ASH1L: variants seen among roughly 807,000 people sequenced by gnomAD.
The protein encoded by ASH1L is ASH1 like histone lysine methyltransferase.
In ASH1L, 23 loss-of-function variants were observed where a neutral mutation model predicts 269.0. The ratio of observed to expected loss-of-function variants is 0.09; its 90% CI spans 0.06 to 0.12. The LOEUF is 0.12. Among genes scored for constraint, ASH1L ranks in the 10% least tolerant of loss-of-function variants. The pLI is 1.00. For synonymous variants in ASH1L, 1,187 were observed against 1,253.5 expected (o/e 0.95, Z 1.12); for missense variants, 2,912 against 3,567.8 (o/e 0.82, Z 4.68).
rs559049255 is a variant in ASH1L at position 155,374,463 on chromosome 1, A to G, written c.6333-3480T>C. On this transcript the variant is annotated intron_variant, in intron 10 of 27. Transcript: ENST00000392403. Reference sequence around the variant, plus strand: ...TAAAGGGCACACGGCACACAGTGTCAAATCATGTAAATAGGAGCAGAGAAA... The same window carrying G: ...TAAAGGGCACACGGCACACAGTGTCGAATCATGTAAATAGGAGCAGAGAAA... Among the ~76,000 whole-genome samples the G allele has an allele frequency of 5.3e-5, 8 of 152,338 alleles. No individual in the cohort carries two copies. In the East Asian group the frequency reaches 1.5e-3, roughly 29 times the overall value.
At chr1:155,416,892 C>T (rs1260675107) in intron 5 of ASH1L, among the ~76,000 whole-genome samples, 9 of 147,678 alleles carry the variant, frequency 6.1e-5, no homozygotes. Context: ...CACCCACCTT[C>T]CCTCCTTCCT....
intron 1 of ASH1L, among the ~76,000 whole-genome samples, chr1:155,551,322 A>G (rs1157768795): frequency 6.6e-6 from 1 of 152,158 alleles, no homozygotes. Context: ...TTTAGCAGAA[A>G]AATAATCATA....
intron 5 of ASH1L, among the ~76,000 whole-genome samples, chr1:155,430,054 C>T (rs1033227892): frequency 8.5e-5 from 13 of 152,074 alleles, no homozygotes; most frequent in Non-Finnish European, 1.5e-4. Flanking sequence ...CAGCTCACTG[C>T]AACCTCCGCC....
At chr1:155,522,584 G>A (rs1036790933) in intron 1 of ASH1L, among the ~76,000 whole-genome samples, 1 of 151,984 alleles carries the variant, frequency 6.6e-6, no homozygotes, top group Non-Finnish European at 1.5e-5. Flanking sequence ...TTTTACAATA[G>A]GTGATACACC....
chr1:155,447,296 T>G (rs1289018844), intron 4 of ASH1L, among the ~76,000 whole-genome samples: 1 of 152,250 alleles, frequency 6.6e-6, no homozygotes, highest in Non-Finnish European at 1.5e-5. Context: ...ATATGTTCCC[T>G]TAATCTACTT....
chr1:155,490,394 T>C (rs1666680492), intron 2 of ASH1L, among the ~76,000 whole-genome samples: 3 of 151,664 alleles, frequency 2.0e-5, no homozygotes, highest in Middle Eastern at 6.8e-3. Flanking sequence ...GGTGGATAAT[T>C]TGAGGTCAGG....
rs759593844 is a variant in ASH1L, at chr1:155,479,013, T to A, written c.3857A>T (p.Asp1286Val). 4.3e-6 allele frequency: 7 copies of A among 1,613,652 alleles called. No individual in the cohort carries two copies. The highest frequency in any genetic ancestry group is 1.7e-5 in the Admixed American group (1 of 60,000). Residue 1286 changes from aspartate to valine, a missense_variant, in exon 3 of 28, where the codon GAC becomes GTC. Asp to Val is a radical substitution (Grantham distance 152, BLOSUM62 -3). This residue lies in a region of ASH1L where 789 missense variants were observed against 897.6 expected (regional missense o/e 0.88). Transcript: ENST00000392403. ...YPQLRNRQDP[D>V]FIAELEELIS... Reference sequence around the variant, plus strand: ...TAGTTCCTCCAGCTCTGCAATAAAGTCTGGATCCTGTCTATTTCGAAGCTG... The same window carrying A: ...TAGTTCCTCCAGCTCTGCAATAAAGACTGGATCCTGTCTATTTCGAAGCTG...
chr1:155,471,458 T>C (rs1031277297), intron 3 of ASH1L, among the ~76,000 whole-genome samples: 1 of 152,120 alleles, frequency 6.6e-6, no homozygotes, highest in African/African-American at 2.4e-5. Flanking sequence ...ACATGGCCAA[T>C]GATCTAATCA....
At position 155,436,594 on chromosome 1, in the gene ASH1L, T is replaced by G. The variant is rs560112754; in HGVS notation, c.5828+1733A>C. ...TCATCACAACCTCCGCCTCCTGGGT[T>G]CAAGCAATTCTCCTGCCTCAGCCTC... On this transcript the variant is annotated intron_variant, in intron 5 of 27. Transcript: ENST00000392403. Among the ~76,000 whole-genome samples, 4 of 148,418 alleles carry G rather than the reference T, an allele frequency of 2.7e-5. No individual in the cohort carries two copies. The East Asian group carries it at 8.6e-4, about 32-fold the overall frequency.
intron 12 of ASH1L, among the ~76,000 whole-genome samples, chr1:155,365,039 T>C (rs1286222406): frequency 6.6e-6 from 1 of 152,190 alleles, no homozygotes; most frequent in Non-Finnish European, 1.5e-5. Context: ...CTTGAATTCT[T>C]TCTTGTGTTC....
chr1:155,370,905 T>C lies in ASH1L; in HGVS notation c.6411A>G (p.Glu2137=), dbSNP rs1362466070. Residue 2137 remains glutamate (E), a synonymous_variant, in exon 11 of 28, where the codon GAA becomes GAG. Transcript: ENST00000392403. ...GAAATCGTTCTAGACATTGCACCCA[T>C]TCATGCCTCTGTATCCTCTGGTTAC... ...QCCNQRIQRH[E]WVQCLERFRA... The C allele has an allele frequency of 1.2e-6, 2 of 1,614,098 alleles. No individual in the cohort carries two copies. Among genetic ancestry groups the C allele is most frequent in the East Asian group, 4.5e-5 (2 of 44,888 alleles).
intron 1 of ASH1L, among the ~76,000 whole-genome samples, chr1:155,546,144 C>T (rs116169190): frequency 0.018 from 2,313 of 126,858 alleles, 39 homozygotes; most frequent in Non-Finnish European, 0.029. Context: ...GGCAATAACA[C>T]GAGATTCCAT....
chr1:155,406,127 C>T (rs1197964743), intron 6 of ASH1L, among the ~76,000 whole-genome samples: 1 of 150,662 alleles, frequency 6.6e-6, no homozygotes, highest in African/African-American at 2.4e-5. Context: ...TTGCTTAAAC[C>T]CAGGGGGCGA....
intron 6 of ASH1L, among the ~76,000 whole-genome samples, chr1:155,400,119 G>A (rs34652343): frequency 1.2e-4 from 19 of 152,064 alleles, no homozygotes; most frequent in Non-Finnish European, 2.2e-4. Context: ...AGGCTGAGGC[G>A]GGCAAATCAC....
chr1:155,366,218 G>A (rs1430438020), intron 12 of ASH1L, among the ~76,000 whole-genome samples: 2 of 152,106 alleles, frequency 1.3e-5, no homozygotes, highest in South Asian at 2.1e-4. Flanking sequence ...ACATCTGGGC[G>A]TCCTCACTAC....
chr1:155,511,115 T>A (rs1399292896), intron 2 of ASH1L, among the ~76,000 whole-genome samples: 1 of 152,114 alleles, frequency 6.6e-6, no homozygotes, highest in Non-Finnish European at 1.5e-5. Context: ...ATGTGATACA[T>A]AAATCATCAA....
At position 155,378,509 on chromosome 1, in the gene ASH1L, G is replaced by A. The variant is rs772388982; in HGVS notation, c.6217C>T (p.Arg2073Cys). 1 of 1,613,386 alleles carries A rather than the reference G, an allele frequency of 6.2e-7. No homozygotes were observed. The highest frequency in any genetic ancestry group is 8.5e-7 in the Non-Finnish European group (1 of 1,179,684). ...TAGCTCCTAAGTTACTCACTTGAAC[G>A]AATTTTCTTATATAGTGGGACATCT... ...KPDVPLYKKI[R>C]SNVYVDVKPL... Residue 2073 changes from arginine to cysteine, a missense_variant, in exon 9 of 28, where the codon CGT becomes TGT. Arg to Cys is a radical substitution (Grantham distance 180). Around this residue, in one of 13 missense-constraint regions of ASH1L, gnomAD observed 193 missense variants for 311.6 expected, o/e 0.62. Transcript: ENST00000392403.
At chr1:155,514,834 C>G (rs1432332792) in intron 2 of ASH1L, among the ~76,000 whole-genome samples, 1 of 152,034 alleles carries the variant, frequency 6.6e-6, no homozygotes, top group Non-Finnish European at 1.5e-5. Context: ...TTTAACTACA[C>G]GAGAAGTTGC....
intron 5 of ASH1L, among the ~76,000 whole-genome samples, chr1:155,432,547 A>C (rs930970582): frequency 6.6e-6 from 1 of 151,996 alleles, no homozygotes; most frequent in Non-Finnish European, 1.5e-5. Context: ...AAGTTGAAAA[A>C]CTGTTGCTAT....
Sources: allele counts gnomAD v4.1 joint callset (sites outside exome capture counted in the v4.1 genomes callset), GRCh38; gene constraint gnomAD v4.1.1; regional missense constraint gnomAD v4.1.1; transcripts MANE v1.5; gene names NCBI Gene and HGNC (gene_info 2026-07-23, HGNC 2026-07-21).